The following EPHA5 variants were observed in gnomAD, a reference collection of about 807,000 sequenced individuals.
The protein encoded by EPHA5 is ephrin type-A receptor 5.
In EPHA5, 60 loss-of-function variants were observed where a neutral mutation model predicts 105.0. The ratio of observed to expected loss-of-function variants is 0.57; its 90% CI spans 0.46 to 0.71. The LOEUF (loss-of-function observed/expected upper bound fraction) is 0.71. Ranked by LOEUF, EPHA5 falls within the 30% of genes least tolerant of loss-of-function variation. EPHA5 has a pLI of 0.00. For missense variants in EPHA5, 1,218 were observed against 1,274.7 expected, an observed-to-expected ratio of 0.96 and a Z score of 0.68; for synonymous variants, 513 against 449.1, an observed-to-expected ratio of 1.14 and a Z score of -1.80.
chr4:65,419,935 T>C (rs1398654575), intron 6 of EPHA5, among the ~76,000 whole-genome samples: 1 of 152,180 alleles, frequency 6.6e-6, no homozygotes, highest in Admixed American at 6.6e-5. Flanking sequence ...ACGTGATGCA[T>C]ACATTTTTTA....
chr4:65,496,239 T>C (rs1282115042), intron 3 of EPHA5, among the ~76,000 whole-genome samples: 1 of 152,114 alleles, frequency 6.6e-6, no homozygotes. Flanking sequence ...TGTCTTTTTT[T>C]TTATTATACT....
At position 65,319,897 on chromosome 4, in the gene EPHA5, A is replaced by G. The variant is rs972785866; in HGVS notation, c.*4217T>C. ...ATTGACTGTAAAACTACAGCAGCCTAAAGAGTCATAGATATGTTGACCACT... is the reference window on the plus strand; with the variant it reads ...ATTGACTGTAAAACTACAGCAGCCTGAAGAGTCATAGATATGTTGACCACT... On this transcript the variant is annotated 3_prime_UTR_variant, in exon 17 of 17. Transcript: ENST00000613740. 8.7e-6 allele frequency: 2 copies of G among 230,042 alleles called. No homozygotes were observed. The highest frequency in any genetic ancestry group is 1.7e-5 in the Non-Finnish European group (2 of 116,040). The allele number at this position is 230,042 out of a possible 1,614,324, so 14.3% of individuals were successfully genotyped here. A position where few individuals can be genotyped will look rare whatever the true frequency, so the allele number is the denominator to read the frequency against.
intron 2 of EPHA5, among the ~76,000 whole-genome samples, chr4:65,609,286 T>C (rs1276343913): frequency 6.6e-6 from 1 of 152,172 alleles, no homozygotes; most frequent in Non-Finnish European, 1.5e-5. Flanking sequence ...TCCTCAATAT[T>C]ATGTTAGTGG....
intron 3 of EPHA5, among the ~76,000 whole-genome samples, chr4:65,546,349 C>T (rs1315916971): frequency 6.6e-6 from 1 of 151,788 alleles, no homozygotes; most frequent in East Asian, 1.9e-4. Context: ...CTCTTTTGCA[C>T]TAATATAAGG....
chr4:65,578,095 T>C (rs1354947119), intron 3 of EPHA5, among the ~76,000 whole-genome samples: 1 of 152,158 alleles, frequency 6.6e-6, no homozygotes, highest in Admixed American at 6.6e-5. Flanking sequence ...TCAGTATACC[T>C]ATATCAACAT....
At chr4:65,379,626 T>C (rs922798816) in intron 8 of EPHA5, among the ~76,000 whole-genome samples, 3 of 151,812 alleles carry the variant, frequency 2.0e-5, no homozygotes, top group African/African-American at 7.2e-5. Context: ...AGGAAAAGTG[T>C]TAGCTATTAC....
intron 11 of EPHA5, among the ~76,000 whole-genome samples, chr4:65,357,332 T>C (rs1350685082): frequency 6.6e-6 from 1 of 151,464 alleles, no homozygotes; most frequent in Non-Finnish European, 1.5e-5. Flanking sequence ...TGTATCTCTC[T>C]GAATATTAAG....
chr4:65,638,100 G>A (rs1030331973), intron 2 of EPHA5, among the ~76,000 whole-genome samples: 2 of 152,080 alleles, frequency 1.3e-5, no homozygotes, highest in African/African-American at 4.8e-5. Flanking sequence ...CATTCTTAAG[G>A]CCTAAAGTTA....
intron 3 of EPHA5, among the ~76,000 whole-genome samples, chr4:65,582,770 A>G (rs904979373): frequency 6.6e-6 from 1 of 151,680 alleles, no homozygotes; most frequent in East Asian, 1.9e-4. Flanking sequence ...AAAATTGCCA[A>G]TTTACATATA....
chr4:65,512,802 C>A (rs1245563939), intron 3 of EPHA5, among the ~76,000 whole-genome samples: 1 of 152,032 alleles, frequency 6.6e-6, no homozygotes, highest in Non-Finnish European at 1.5e-5. Context: ...TGTTTCATAC[C>A]GATCTCATGG....
intron 8 of EPHA5, among the ~76,000 whole-genome samples, chr4:65,398,826 G>T (rs577658552): frequency 6.6e-6 from 1 of 152,264 alleles, no homozygotes; most frequent in South Asian, 2.1e-4. Flanking sequence ...TGATCTACCT[G>T]CAGAAAGGAG....
At chr4:65,450,884 G>A (rs1219967141) in intron 5 of EPHA5, among the ~76,000 whole-genome samples, 5 of 152,024 alleles carry the variant, frequency 3.3e-5, no homozygotes, top group Admixed American at 6.6e-5. Flanking sequence ...TCTCTTTTAT[G>A]CACTTTAACT....
chr4:65,665,786 A>G (rs187667754), intron 1 of EPHA5, among the ~76,000 whole-genome samples: 271 of 152,300 alleles, frequency 1.8e-3, no homozygotes, highest in Middle Eastern at 6.8e-3. Flanking sequence ...TTAAAATGTC[A>G]AGACCTAGGT....
At chr4:65,665,183 A>G (rs1385023238) in intron 1 of EPHA5, among the ~76,000 whole-genome samples, 2 of 151,974 alleles carry the variant, frequency 1.3e-5, no homozygotes, top group African/African-American at 4.8e-5. Flanking sequence ...TAATATAATT[A>G]TGTACATTAT....
intron 14 of EPHA5, 46 bp from the exon 15 acceptor site, chr4:65,336,171 G>A: frequency 6.8e-7 from 1 of 1,462,968 alleles, no homozygotes; most frequent in Non-Finnish European, 9.2e-7. Context: ...CACAAATTTA[G>A]TATAGAATAG....
intron 1 of EPHA5, among the ~76,000 whole-genome samples, chr4:65,664,007 T>C (rs1749758447): frequency 6.6e-6 from 1 of 151,974 alleles, no homozygotes; most frequent in African/African-American, 2.4e-5. Context: ...ATGTTCAAAA[T>C]TTATATTTAA....
At chr4:65,366,488 T>C (rs1232662972) in intron 9 of EPHA5, among the ~76,000 whole-genome samples, 1 of 151,908 alleles carries the variant, frequency 6.6e-6, no homozygotes, top group Non-Finnish European at 1.5e-5. Flanking sequence ...TCTGGTGCTA[T>C]GGTGCAAAAA....
At chr4:65,597,879 A>C (rs1179109909) in intron 3 of EPHA5, among the ~76,000 whole-genome samples, 3 of 152,144 alleles carry the variant, frequency 2.0e-5, no homozygotes, top group Admixed American at 6.5e-5. Flanking sequence ...GCCATATGTT[A>C]ATGAGCTGCC....
chr4:65,532,502 T>G (rs2149304989), intron 3 of EPHA5, among the ~76,000 whole-genome samples: 1 of 152,060 alleles, frequency 6.6e-6, no homozygotes, highest in Non-Finnish European at 1.5e-5. Flanking sequence ...ATTTTGAAGT[T>G]TTATGTTTTC....
Sources: gnomAD v4.1 joint callset for allele counts (sites outside exome capture counted in the v4.1 genomes callset) on GRCh38, gnomAD v4.1.1 for gene constraint, MANE v1.5 for transcripts, NCBI Gene and HGNC (gene_info 2026-07-23, HGNC 2026-07-21) for gene names.